TRMT11: variants seen among roughly 807,000 people sequenced by gnomAD.
TRMT11 encodes tRNA (guanine(10)-N(2))-methyltransferase TRMT11.
Under a neutral mutation model 62.8 loss-of-function variants are expected in TRMT11, and 53 were observed. The ratio of observed to expected loss-of-function variants is 0.84; its 90% confidence interval spans 0.68 to 1.06. The LOEUF is 1.06. Ranked by LOEUF, TRMT11 falls within the 50% of genes least tolerant of loss-of-function variation. The pLI is 0.00. For synonymous variants in TRMT11, 188 were observed against 190.3 expected, an observed-to-expected ratio of 0.99 and a Z score of 0.10; for missense variants, 556 against 553.4, an observed-to-expected ratio of 1.00 and a Z score of -0.05.
chr6:126,194,972 T>C (rs1166957564), intron 1 of TRMT11, among the ~76,000 whole-genome samples: 2 of 152,056 alleles, frequency 1.3e-5, no homozygotes, highest in African/African-American at 4.8e-5. Flanking sequence ...AAAAATTAGC[T>C]GGGTGTGGTG....
At chr6:126,049,315 T>TGA (rs1776146848) in intron 16 of TRMT11, among the ~76,000 whole-genome samples, 1 of 152,248 alleles carries the variant, frequency 6.6e-6, no homozygotes, top group African/African-American at 2.4e-5. Flanking sequence ...AACCAGCACC[T>TGA]GAGAGAGTTG....
downstream of TRMT11, chr6:126,202,344 GATT>G (rs765978163): frequency 6.6e-6 from 1 of 152,166 alleles, no homozygotes; most frequent in Non-Finnish European, 1.5e-5. Flanking sequence ...TACTTGTAAA[GATT>G]ATTAAGAACT....
chr6:126,052,471 T>C (rs1776247270), intron 16 of TRMT11, among the ~76,000 whole-genome samples: 1 of 152,168 alleles, frequency 6.6e-6, no homozygotes, highest in Non-Finnish European at 1.5e-5. Context: ...TATGGGGAAA[T>C]TTTTAATTAA....
At position 126,032,103 on chromosome 6, in the gene TRMT11, T is replaced by A. The variant is rs534418594; in HGVS notation, c.1261-6602T>A. On this transcript the variant is annotated intron_variant, in intron 12 of 12. Transcript: ENST00000334379. The stretch of plus-strand genomic sequence containing the variant: ...CTGAGCGGATGATTGTTTTCTTGTA[T>A]ATGTTTTTATTCCCCATCCCTACTC... Among the ~76,000 whole-genome samples the A allele has an allele frequency of 9.9e-4, 150 of 152,114 alleles. 1 individual carries two copies. Among genetic ancestry groups the A allele is most frequent in the Non-Finnish European group, 1.9e-3 (129 of 68,008 alleles).
intron 1 of TRMT11, among the ~76,000 whole-genome samples, chr6:126,193,792 G>GTT (rs1289773519): frequency 1.3e-5 from 2 of 151,896 alleles, no homozygotes; most frequent in Non-Finnish European, 2.9e-5. Context: ...CCGCGTTTCT[G>GTT]TGTTTTTGAT....
chr6:126,014,888 G>T (rs560203838), intron 11 of TRMT11, among the ~76,000 whole-genome samples: 38 of 151,838 alleles, frequency 2.5e-4, no homozygotes, highest in Non-Finnish European at 4.7e-4. Flanking sequence ...TATTCCCAGT[G>T]CTGTATTCAC....
At chr6:126,122,742 C>T (rs976923948) in intron 21 of TRMT11, among the ~76,000 whole-genome samples, 2 of 152,058 alleles carry the variant, frequency 1.3e-5, no homozygotes, top group Non-Finnish European at 2.9e-5. Flanking sequence ...GGACAATTTC[C>T]CCTATATCTT....
intron 7 of TRMT11, among the ~76,000 whole-genome samples, chr6:126,005,250 G>C (rs936008460): frequency 3.9e-5 from 6 of 151,974 alleles, no homozygotes; most frequent in Non-Finnish European, 8.8e-5. Flanking sequence ...TTTTGCTTTT[G>C]TTTATCTAAT....
chr6:126,217,658 A>G, the TRMT11 span, among the ~76,000 whole-genome samples: 3 of 152,108 alleles, frequency 2.0e-5, no homozygotes, highest in South Asian at 6.2e-4. Context: ...GCACCCCTGT[A>G]GCTACCACCA....
At chr6:126,177,754 T>C (rs1363234085) in intron 1 of TRMT11, among the ~76,000 whole-genome samples, 1 of 152,194 alleles carries the variant, frequency 6.6e-6, no homozygotes, top group Non-Finnish European at 1.5e-5. Context: ...TTCAACTCTT[T>C]GCTTTCCTAA....
At chr6:126,070,596 T>C (rs1776824202) in intron 17 of TRMT11, among the ~76,000 whole-genome samples, 1 of 152,194 alleles carries the variant, frequency 6.6e-6, no homozygotes, top group Non-Finnish European at 1.5e-5. Flanking sequence ...TCTTTTCTTC[T>C]GCCTTTCTTT....
intron 12 of TRMT11, among the ~76,000 whole-genome samples, chr6:126,028,351 T>C (rs550982176): frequency 6.6e-6 from 1 of 152,256 alleles, no homozygotes; most frequent in South Asian, 2.1e-4. Context: ...TCATTCTAGG[T>C]CTTCATACAA....
chr6:126,111,743 T>C (rs551471654), intron 17 of TRMT11, among the ~76,000 whole-genome samples: 2 of 152,184 alleles, frequency 1.3e-5, no homozygotes, highest in South Asian at 4.1e-4. Flanking sequence ...ACTGACTCTA[T>C]GGGGAAATTT....
the TRMT11 span, among the ~76,000 whole-genome samples, chr6:126,269,170 A>G: frequency 6.8e-6 from 1 of 147,898 alleles, no homozygotes; most frequent in East Asian, 2.0e-4. Context: ...AGGCTGAGGC[A>G]GGAGAATGGC....
chr6:126,177,564 A>T (rs1053937502), intron 1 of TRMT11, among the ~76,000 whole-genome samples: 2 of 152,118 alleles, frequency 1.3e-5, no homozygotes, highest in African/African-American at 4.8e-5. Context: ...CTCTTATTGG[A>T]GAAAAGAATC....
intron 21 of TRMT11, among the ~76,000 whole-genome samples, chr6:126,168,068 G>A (rs1315552654): frequency 6.6e-6 from 1 of 152,190 alleles, no homozygotes; most frequent in African/African-American, 2.4e-5. Context: ...ATTGATGTGG[G>A]CCTCATGAAA....
At chr6:126,014,585 A>T (rs1239227700) in intron 11 of TRMT11, among the ~76,000 whole-genome samples, 1 of 152,220 alleles carries the variant, frequency 6.6e-6, no homozygotes, top group African/African-American at 2.4e-5. Context: ...ATACAGTGGT[A>T]ACTGTCTTTT....
intron 17 of TRMT11, among the ~76,000 whole-genome samples, chr6:126,083,508 T>G (rs539831508): frequency 1.3e-5 from 2 of 152,244 alleles, no homozygotes; most frequent in South Asian, 4.1e-4. Flanking sequence ...ATATTGTGCA[T>G]ATGTAAGGTA....
chr6:126,173,253 T>C (rs1012731504), upstream of TRMT11, among the ~76,000 whole-genome samples: 2 of 152,208 alleles, frequency 1.3e-5, no homozygotes, highest in Non-Finnish European at 2.9e-5. Flanking sequence ...TATATAAAAA[T>C]ATATGATTTG....
Sources: allele counts gnomAD v4.1 joint callset (sites outside exome capture counted in the v4.1 genomes callset), GRCh38; gene constraint gnomAD v4.1.1; transcripts MANE v1.5; gene names NCBI Gene and HGNC (gene_info 2026-07-23, HGNC 2026-07-21).